RNF128: variants seen among roughly 807,000 people sequenced by gnomAD.
RNF128 encodes the protein E3 ubiquitin-protein ligase RNF128.
RNF128 carries 13 observed loss-of-function variants against 26.2 expected under a neutral mutation model. That is an observed-to-expected ratio of 0.50 (90% CI 0.32 to 0.79). The LOEUF (loss-of-function observed/expected upper bound fraction) is 0.79, where lower values mean the gene tolerates loss of function less well. RNF128 is among the 30% of genes least tolerant of loss of function. The probability of loss-of-function intolerance (pLI) is 0.03; values close to 1 mark genes in which losing one functional copy is unlikely to be tolerated. For synonymous variants in RNF128, 149 were observed against 142.5 expected, an observed-to-expected ratio of 1.05 and a Z score of -0.32; for missense variants, 315 against 349.7, an observed-to-expected ratio of 0.90 and a Z score of 0.79.
intron 1 of RNF128, among the ~76,000 whole-genome samples, chrX:106,738,967 A>AC (rs899788424): frequency 9.0e-6 from 1 of 111,405 alleles, no homozygotes; most frequent in Non-Finnish European, 1.9e-5. Context: ...TGCAAAAGAA[A>AC]CCCTGTTTGA....
At chrX:106,768,864 T>A (rs1334353753) in intron 1 of RNF128, among the ~76,000 whole-genome samples, 2 of 112,257 alleles carry the variant, frequency 1.8e-5, no homozygotes, top group African/African-American at 6.5e-5. Context: ...GTGCTGTAAA[T>A]TTTCCTCTAT....
At chrX:106,775,108 A>T in intron 2 of RNF128, among the ~76,000 whole-genome samples, 1 of 112,158 alleles carries the variant, frequency 8.9e-6, no homozygotes, top group Non-Finnish European at 1.9e-5. Flanking sequence ...GTTCAGCCTG[A>T]TACTAGCTGC....
intron 2 of RNF128, among the ~76,000 whole-genome samples, chrX:106,775,708 G>A (rs1464117966): frequency 9.0e-6 from 1 of 111,702 alleles, no homozygotes; most frequent in East Asian, 2.8e-4. Flanking sequence ...ATTTTTAAAA[G>A]GTAGAGCTTA....
chrX:106,739,443 G>A (rs1929659855), intron 1 of RNF128, among the ~76,000 whole-genome samples: 1 of 111,797 alleles, frequency 8.9e-6, no homozygotes, highest in South Asian at 3.8e-4. Flanking sequence ...ACAGGCATGA[G>A]CAACCATGCC....
chrX:106,704,388 G>A (rs1754403972), intron 1 of RNF128, among the ~76,000 whole-genome samples: 1 of 101,020 alleles, frequency 9.9e-6, no homozygotes, highest in Non-Finnish European at 2.0e-5. Flanking sequence ...AGCTGAGATC[G>A]CGCCACGCAC....
At chrX:106,743,371 A>G (rs1929735196) in intron 1 of RNF128, among the ~76,000 whole-genome samples, 1 of 112,138 alleles carries the variant, frequency 8.9e-6, no homozygotes, top group Non-Finnish European at 1.9e-5. Flanking sequence ...GAAATGAGTC[A>G]CCATATAACT....
chrX:106,713,729 A>G lies in RNF128; in HGVS notation c.406+19321A>G, dbSNP rs191026904. 2.1e-3 allele frequency among the ~76,000 whole-genome samples: 235 copies of G among 111,921 alleles called. 2 individuals are homozygous for G. The highest frequency in any genetic ancestry group is 1.8e-3 in the Non-Finnish European group (96 of 53,186). Reference sequence around the variant, plus strand: ...GAGCCTATTGGCTACCATATTGAACAGTATATGAACATGAACATGGGGTCG... The same window carrying G: ...GAGCCTATTGGCTACCATATTGAACGGTATATGAACATGAACATGGGGTCG... On this transcript the variant is annotated intron_variant, in intron 1 of 6. Coordinates refer to the RNF128 transcript ENST00000324342.
chrX:106,751,490 C>G (rs1342061643), intron 1 of RNF128, among the ~76,000 whole-genome samples: 2 of 110,680 alleles, frequency 1.8e-5, no homozygotes, highest in Non-Finnish European at 3.8e-5. Flanking sequence ...GCAGTCTAGA[C>G]CAAAAGGACT....
At chrX:106,747,936 A>G (rs972707378) in intron 1 of RNF128, among the ~76,000 whole-genome samples, 1 of 112,075 alleles carries the variant, frequency 8.9e-6, no homozygotes, top group Non-Finnish European at 1.9e-5. Context: ...ATTACTCTCT[A>G]TAGCCCCACA....
intron 1 of RNF128, among the ~76,000 whole-genome samples, chrX:106,704,564 G>A (rs901889320): frequency 9.0e-6 from 1 of 111,128 alleles, no homozygotes; most frequent in Admixed American, 9.6e-5. Flanking sequence ...ATCTGAAGGA[G>A]AAGTCGTGTC....
upstream of RNF128, chrX:106,726,614 G>A (rs1929396729): frequency 1.1e-6 from 1 of 909,832 alleles, no homozygotes; most frequent in East Asian, 6.1e-5. Context: ...GGATCCCGCA[G>A]TGTCCTTTCC....
At chrX:106,788,840 TATA>T (rs1261705815) in intron 4 of RNF128, among the ~76,000 whole-genome samples, 2 of 76,315 alleles carry the variant, frequency 2.6e-5, no homozygotes, top group Non-Finnish European at 2.3e-5. Flanking sequence ...ATATACTACA[TATA>T]ATATGTATTA....
At chrX:106,787,821 A>G in intron 3 of RNF128, 97 bp from the exon 4 acceptor site, 2 of 532,380 alleles carry the variant, frequency 3.8e-6, no homozygotes, top group Non-Finnish European at 6.2e-6. Flanking sequence ...TTTTATAGGA[A>G]TTTAGGCTGG....
chrX:106,698,668 C>T (rs1236985909), intron 1 of RNF128, among the ~76,000 whole-genome samples: 1 of 111,602 alleles, frequency 9.0e-6, no homozygotes, highest in Admixed American at 9.5e-5. Flanking sequence ...TCTACAACAG[C>T]TTTCCAGTTG....
At chrX:106,775,016 T>C (rs773077752) in intron 2 of RNF128, among the ~76,000 whole-genome samples, 11 of 112,189 alleles carry the variant, frequency 9.8e-5, no homozygotes, top group Non-Finnish European at 1.5e-4. Context: ...CATATGGTAA[T>C]AAGTGATGGT....
At chrX:106,764,741 T>C (rs1930186032) in intron 1 of RNF128, among the ~76,000 whole-genome samples, 1 of 112,171 alleles carries the variant, frequency 8.9e-6, no homozygotes, top group African/African-American at 3.2e-5. Context: ...AAAAGAAATA[T>C]TTAAAAATAT....
intron 4 of RNF128, among the ~76,000 whole-genome samples, chrX:106,788,639 G>T: frequency 1.7e-5 from 1 of 59,108 alleles, no homozygotes; most frequent in Admixed American, 3.2e-4. Context: ...ATATAATATA[G>T]TATATAATAT....
In RNF128 at chrX:106,790,065, G is replaced by A. The variant is rs763247543; in HGVS notation, c.888-121G>A. 5.1e-4 allele frequency: 201 copies of A among 397,888 alleles called. 1 individual carries two copies. The highest frequency in any genetic ancestry group is 8.3e-4 in the Non-Finnish European group (189 of 227,817). 32.8% of individuals were successfully genotyped at this position (397,888 alleles called of 1,213,427 possible). On this transcript the variant is annotated intron_variant, in intron 4 of 6. Transcript: ENST00000255499. ...GACTCCTTCATTTTATGAATAGTGT[G>A]TTTAAAAGGAAAGGCATCCATTCAA...
chrX:106,704,310 G>A (rs1603078860), intron 1 of RNF128, among the ~76,000 whole-genome samples: 1 of 109,585 alleles, frequency 9.1e-6, no homozygotes, highest in African/African-American at 3.3e-5. Context: ...GCTGGCGCCT[G>A]TAGTCCCAGC....
Sources: allele counts gnomAD v4.1 joint callset (sites outside exome capture counted in the v4.1 genomes callset), GRCh38; gene constraint gnomAD v4.1.1; transcripts MANE v1.5; gene names NCBI Gene and HGNC (gene_info 2026-07-23, HGNC 2026-07-21).